Variants in WDR25 observed in about 807,000 individuals in gnomAD.
WDR25 encodes WD repeat domain 25, also known as WD repeat-containing protein 25.
Under a neutral mutation model 47.7 loss-of-function variants are expected in WDR25, and 35 were observed. The observed-to-expected ratio is 0.73, with a 90% CI of 0.56 to 0.97. WDR25 has a LOEUF of 0.97. Among genes scored for constraint, WDR25 ranks in the 50% least tolerant of loss-of-function variants. The pLI, the probability that WDR25 is intolerant of heterozygous loss-of-function variation, is 0.00. For missense variants in WDR25, 634 were observed against 704.7 expected (o/e 0.90, Z 1.14); for synonymous variants, 248 against 278.9 (o/e 0.89, Z 1.10).
intron 2 of WDR25, among the ~76,000 whole-genome samples, chr14:100,385,185 A>G (rs949600555): frequency 2.6e-5 from 4 of 152,166 alleles, no homozygotes; most frequent in Non-Finnish European, 5.9e-5. Context: ...GCCAGAACCC[A>G]TTTTTATATT....
At chr14:100,391,865 A>G (rs1015949691) in intron 2 of WDR25, among the ~76,000 whole-genome samples, 8 of 152,114 alleles carry the variant, frequency 5.3e-5, no homozygotes, top group Non-Finnish European at 1.2e-4. Flanking sequence ...TGCCTTTTCC[A>G]TTCTCCTTCT....
At chr14:100,431,233 T>C (rs1898323427) in intron 2 of WDR25, among the ~76,000 whole-genome samples, 1 of 152,228 alleles carries the variant, frequency 6.6e-6, no homozygotes, top group Admixed American at 6.5e-5. Flanking sequence ...ATAAGACTAG[T>C]GGTTTTAGAA....
At chr14:100,382,127 C>T (rs1280531261) in intron 2 of WDR25, 6 of 702,888 alleles carry the variant, frequency 8.5e-6, no homozygotes, top group Non-Finnish European at 1.3e-5. Context: ...TGGTGCTGTG[C>T]TGGTTTCAAG....
At chr14:100,384,748 C>T in intron 2 of WDR25, among the ~76,000 whole-genome samples, 1 of 151,940 alleles carries the variant, frequency 6.6e-6, no homozygotes, top group Middle Eastern at 3.4e-3. Context: ...CAGCAGTACA[C>T]CCTTCCCAGG....
chr14:100,411,424 A>G (rs1486822194), intron 2 of WDR25, among the ~76,000 whole-genome samples: 2 of 152,214 alleles, frequency 1.3e-5, no homozygotes, highest in Non-Finnish European at 2.9e-5. Context: ...GTGAGGACCA[A>G]ACAACTTAAA....
chr14:100,462,173 A>G (rs966116121), intron 2 of WDR25, among the ~76,000 whole-genome samples: 2 of 152,184 alleles, frequency 1.3e-5, no homozygotes, highest in Non-Finnish European at 2.9e-5. Flanking sequence ...TGTCTTGGTA[A>G]CGAGGACACA....
At chr14:100,389,970 G>A (rs939866889) in intron 2 of WDR25, among the ~76,000 whole-genome samples, 5 of 152,314 alleles carry the variant, frequency 3.3e-5, no homozygotes, top group African/African-American at 4.8e-5. Flanking sequence ...TGGATTGAGC[G>A]TCTCGGTTTC....
chr14:100,520,648 A>G (rs1246428766), intron 4 of WDR25, among the ~76,000 whole-genome samples: 2 of 152,186 alleles, frequency 1.3e-5, no homozygotes, highest in East Asian at 1.9e-4. Context: ...TTTGCCTTGC[A>G]TCTTGGCACT....
chr14:100,460,108 CA>C (rs550531745), intron 2 of WDR25, among the ~76,000 whole-genome samples: 2 of 136,810 alleles, frequency 1.5e-5, no homozygotes, highest in South Asian at 2.3e-4. Flanking sequence ...AACATAGATA[CA>C]AAATTTTTTT....
chr14:100,528,626 C>T (rs1362221919), intron 5 of WDR25, among the ~76,000 whole-genome samples: 1 of 152,142 alleles, frequency 6.6e-6, no homozygotes, highest in African/African-American at 2.4e-5. Context: ...ATAGGATCAT[C>T]TCCTTATCTC....
At chr14:100,481,420 C>T (rs1361294980) in intron 3 of WDR25, 1 of 992,484 alleles carries the variant, frequency 1.0e-6, no homozygotes, top group African/African-American at 1.8e-5. Flanking sequence ...CACCTCATCC[C>T]ATTTTTTAAG....
chr14:100,432,694 A>G (rs1898374890), intron 2 of WDR25, among the ~76,000 whole-genome samples: 1 of 152,246 alleles, frequency 6.6e-6, no homozygotes, highest in African/African-American at 2.4e-5. Flanking sequence ...GTGTTTCCTA[A>G]AACAAGAAAT....
chr14:100,442,325 G>A (rs1443486393), intron 2 of WDR25, among the ~76,000 whole-genome samples: 2 of 152,208 alleles, frequency 1.3e-5, no homozygotes, highest in African/African-American at 4.8e-5. Context: ...CCAGGCCTTG[G>A]GTAGATGGTG....
rs1208305284 is a variant in WDR25, at chr14:100,505,635, CA to C, written c.1102-20233del. ...TTTCTACAAAGATATCTATTGGGTC[CA>C]ATCTGTAGATCAGTTTGGGGATAAT... is the stretch of plus-strand genomic sequence containing the variant. On this transcript the variant is annotated intron_variant, in intron 4 of 6. Transcript: ENST00000402312. Among the ~76,000 whole-genome samples, 9 of 152,124 alleles carry C rather than the reference CA, an allele frequency of 5.9e-5. No individual in the cohort carries two copies. In the South Asian group the frequency reaches 1.4e-3, roughly 24 times the overall value.
chr14:100,415,626 A>G (rs1204504855), intron 2 of WDR25, among the ~76,000 whole-genome samples: 2 of 152,188 alleles, frequency 1.3e-5, no homozygotes, highest in Non-Finnish European at 2.9e-5. Context: ...AGCTGCTTAT[A>G]TAAGATTGGG....
rs777091857 is a variant in WDR25, at chr14:100,392,549, C to G, written c.822+10803C>G. On this transcript the variant is annotated intron_variant, in intron 2 of 6. Coordinates refer to ENST00000402312, the MANE Select transcript of WDR25 (RefSeq NM_001161476.3). This position sits in a 1 kb window ranked among gnomAD's most constrained non-coding sequence, Gnocchi z 4.2. The stretch of plus-strand genomic sequence containing the variant: ...GACCATACACTGAAATTATCATTAT[C>G]CTTTGAACACCCTCCCATCCATTTC... Among the ~76,000 whole-genome samples the G allele has an allele frequency of 6.6e-6, 1 of 152,000 alleles. No homozygotes were observed. Among genetic ancestry groups the G allele is most frequent in the Non-Finnish European group, 1.5e-5 (1 of 68,008 alleles).
At position 100,428,176 on chromosome 14, in the gene WDR25, G is replaced by A. The variant is rs749667157; in HGVS notation, c.823-39845G>A. Reference sequence around the variant, plus strand: ...GTTTGTCGTGTGCTCCGACCGAAGCGTTGGCACTGACCCGTCTAGAATTCT... The same window carrying A: ...GTTTGTCGTGTGCTCCGACCGAAGCATTGGCACTGACCCGTCTAGAATTCT... On this transcript the variant is annotated intron_variant, in intron 2 of 6. Coordinates refer to ENST00000402312, the MANE Select transcript of WDR25 (RefSeq NM_001161476.3). The surrounding 1 kb of genome is among the most constrained non-coding windows in gnomAD (Gnocchi z 4.3). Among the ~76,000 whole-genome samples the A allele has an allele frequency of 2.6e-5, 4 of 152,222 alleles. No individual in the cohort carries two copies. The highest frequency in any genetic ancestry group is 1.9e-4 in the East Asian group (1 of 5,202).
chr14:100,418,304 A>G (rs1897926378), intron 2 of WDR25, among the ~76,000 whole-genome samples: 1 of 151,500 alleles, frequency 6.6e-6, no homozygotes, highest in Non-Finnish European at 1.5e-5. Flanking sequence ...AATGTCACCT[A>G]GCACTGGCCT....
chr14:100,416,238 G>GT (rs975703622), intron 2 of WDR25, among the ~76,000 whole-genome samples: 2 of 152,204 alleles, frequency 1.3e-5, no homozygotes, highest in Admixed American at 6.5e-5. Flanking sequence ...TGTTTTAAGA[G>GT]TAAGAGGCAG....
Sources: allele counts gnomAD v4.1 joint callset (sites outside exome capture counted in the v4.1 genomes callset), GRCh38; gene constraint gnomAD v4.1.1; non-coding constraint Gnocchi (gnomAD v3.1); transcripts MANE v1.5; gene names NCBI Gene and HGNC (gene_info 2026-07-23, HGNC 2026-07-21).